Variants in ATG7 observed in about 807,000 individuals in gnomAD.
ATG7 encodes the protein ubiquitin-like modifier-activating enzyme ATG7.
ATG7 carries 70 observed loss-of-function variants against 82.4 expected under a neutral mutation model. The observed-to-expected ratio is 0.85, with a 90% confidence interval of 0.70 to 1.04. ATG7 has a LOEUF of 1.04. Among genes scored for constraint, ATG7 ranks in the 50% least tolerant of loss-of-function variants. ATG7 has a pLI of 0.00. For missense variants in ATG7, 792 were observed against 864.3 expected (o/e 0.92, Z 1.05); for synonymous variants, 287 against 313.0 (o/e 0.92, Z 0.88).
At chr3:11,488,935 A>C (rs1390449912) in intron 20 of ATG7, among the ~76,000 whole-genome samples, 1 of 152,078 alleles carries the variant, frequency 6.6e-6, no homozygotes, top group Non-Finnish European at 1.5e-5. Context: ...ATTAGGGAGG[A>C]TTCCCTCTTT....
At chr3:11,489,394 T>C (rs9682820) in intron 20 of ATG7, among the ~76,000 whole-genome samples, 126,826 of 151,578 alleles carry the variant, frequency 0.84, 53,239 homozygotes, top group East Asian at 1. Flanking sequence ...GTCTTGCTAG[T>C]GGTCTATCAA....
intron 20 of ATG7, among the ~76,000 whole-genome samples, chr3:11,548,571 G>A (rs2071486345): frequency 6.6e-6 from 1 of 152,150 alleles, no homozygotes; most frequent in East Asian, 1.9e-4. Context: ...TATCGTTCCT[G>A]TGTTTATATT....
chr3:11,422,740 CTTTTTTTTTTT>C lies in ATG7; in HGVS notation c.1957-4045_1957-4035del, dbSNP rs557755646. 5.2e-4 allele frequency among the ~76,000 whole-genome samples: 26 copies of C among 49,554 alleles called. 1 individual carries two copies. The highest frequency in any genetic ancestry group is 3.4e-3 in the South Asian group (3 of 876). The allele number at this position is 49,554 out of a possible 152,430, so 32.5% of individuals were successfully genotyped here. ...CCTCACTATGCTTAATCATTTCTAG[CTTTTTTTTTTT>C]TTTTTTTTTTTTTTTTTTGGAGACA... is the stretch of plus-strand genomic sequence containing the variant. On this transcript the variant is annotated intron_variant, in intron 19 of 20. Transcript: ENST00000693202.
At chr3:11,457,879 T>C (rs548712910) in intron 20 of ATG7, among the ~76,000 whole-genome samples, 2 of 152,310 alleles carry the variant, frequency 1.3e-5, no homozygotes, top group African/African-American at 4.8e-5. Flanking sequence ...GACTGTGTCT[T>C]AGATAATATA....
chr3:11,511,603 T>A (rs948945963), intron 20 of ATG7, among the ~76,000 whole-genome samples: 1 of 152,178 alleles, frequency 6.6e-6, no homozygotes, highest in Non-Finnish European at 1.5e-5. Flanking sequence ...CTCACACTCC[T>A]CAGCCCTTGG....
At chr3:11,572,191 G>A in the ATG7 span, among the ~76,000 whole-genome samples, 1 of 152,186 alleles carries the variant, frequency 6.6e-6, no homozygotes, top group African/African-American at 2.4e-5. Context: ...TGAAGGACAT[G>A]CCCAATCATA....
intron 20 of ATG7, among the ~76,000 whole-genome samples, chr3:11,492,965 C>A (rs1355616960): frequency 6.6e-6 from 1 of 152,252 alleles, no homozygotes; most frequent in Non-Finnish European, 1.5e-5. Context: ...GTGTTATCAG[C>A]TTAGTGGGCC....
In ATG7 at chr3:11,556,950, G is replaced by C. The variant is rs1003350761; in HGVS notation, c.*2107G>C. 1.3e-5 allele frequency: 2 copies of C among 152,646 alleles called. No homozygotes were observed. Among genetic ancestry groups the C allele is most frequent in the African/African-American group, 4.8e-5 (2 of 41,428 alleles). 9.5% of individuals were successfully genotyped at this position (152,646 alleles called of 1,614,324 possible). Reference sequence around the variant, plus strand: ...CTGTGACTACAAGAGCCAGTCCTCCGACCTTTTCACCCAGTGCCAATTTCC... The same window carrying C: ...CTGTGACTACAAGAGCCAGTCCTCCCACCTTTTCACCCAGTGCCAATTTCC... On this transcript the variant is annotated 3_prime_UTR_variant, in exon 21 of 21. Transcript: ENST00000693202.
intron 20 of ATG7, among the ~76,000 whole-genome samples, chr3:11,518,071 G>A (rs1288340873): frequency 6.6e-6 from 1 of 152,218 alleles, no homozygotes; most frequent in Non-Finnish European, 1.5e-5. Flanking sequence ...TGGATGGTGA[G>A]TGGGAGAGAG....
At chr3:11,502,795 T>A (rs2091437908) in intron 20 of ATG7, among the ~76,000 whole-genome samples, 1 of 152,150 alleles carries the variant, frequency 6.6e-6, no homozygotes, top group Non-Finnish European at 1.5e-5. Flanking sequence ...AGTATGGGGC[T>A]TAAATAGGAG....
intron 20 of ATG7, among the ~76,000 whole-genome samples, chr3:11,511,173 A>G (rs2092032376): frequency 6.6e-6 from 1 of 152,096 alleles, no homozygotes; most frequent in South Asian, 2.1e-4. Flanking sequence ...GTGGAAGGGG[A>G]CCTGAGCGGG....
intron 20 of ATG7, among the ~76,000 whole-genome samples, chr3:11,521,795 G>T (rs1221553787): frequency 1.3e-5 from 2 of 151,792 alleles, no homozygotes; most frequent in Non-Finnish European, 2.9e-5. Flanking sequence ...CTTGTGATCC[G>T]CCTGCCTCAG....
At chr3:11,338,307 C>T (rs1009283556) in intron 11 of ATG7, among the ~76,000 whole-genome samples, 1 of 152,134 alleles carries the variant, frequency 6.6e-6, no homozygotes, top group Non-Finnish European at 1.5e-5. Flanking sequence ...TTTATGGCTG[C>T]ATAGTATTTC....
Position 11,377,066 on chromosome 3 carries a change from G to A in ATG7, c.1876-2906G>A, listed in dbSNP as rs566556976. Among the ~76,000 whole-genome samples the A allele has an allele frequency of 9.4e-4, 143 of 152,254 alleles. 1 individual carries two copies. The highest frequency in any genetic ancestry group is 3.4e-3 in the African/African-American group (140 of 41,548). Reference sequence around the variant, plus strand: ...GTCTGCCGCCTTTTGTCAGCTATAGGGAGTGGGTAAAAAATGACAGGCCTC... The same window carrying A: ...GTCTGCCGCCTTTTGTCAGCTATAGAGAGTGGGTAAAAAATGACAGGCCTC... On this transcript the variant is annotated intron_variant, in intron 18 of 20. Transcript: ENST00000693202.
At chr3:11,529,942 G>C (rs2092662383) in intron 20 of ATG7, among the ~76,000 whole-genome samples, 1 of 152,088 alleles carries the variant, frequency 6.6e-6, no homozygotes, top group Non-Finnish European at 1.5e-5. Context: ...CCATCCTCTT[G>C]CCCAGGAGAC....
chr3:11,574,004 A>C, the ATG7 span, among the ~76,000 whole-genome samples: 1 of 152,214 alleles, frequency 6.6e-6, no homozygotes, highest in Admixed American at 6.5e-5. Flanking sequence ...GTCATCAACA[A>C]GCCATGGAAT....
intron 20 of ATG7, among the ~76,000 whole-genome samples, chr3:11,547,030 A>G (rs2071353619): frequency 6.6e-6 from 1 of 152,174 alleles, no homozygotes; most frequent in Non-Finnish European, 1.5e-5. Flanking sequence ...AGGTTTATTC[A>G]TGGTGCTGGT....
intron 20 of ATG7, among the ~76,000 whole-genome samples, chr3:11,429,420 C>G (rs925250340): frequency 2.6e-5 from 4 of 151,954 alleles, no homozygotes; most frequent in African/African-American, 9.7e-5. Flanking sequence ...GACTTGAACC[C>G]GGGAAGCAAA....
the ATG7 span, among the ~76,000 whole-genome samples, chr3:11,570,294 G>A: frequency 0.25 from 37,288 of 151,644 alleles, 4,608 homozygotes; most frequent in East Asian, 0.4. Flanking sequence ...AGGCCTTTCC[G>A]ACCCACCAGC....
Sources: gnomAD v4.1 joint callset for allele counts (sites outside exome capture counted in the v4.1 genomes callset) on GRCh38, gnomAD v4.1.1 for gene constraint, MANE v1.5 for transcripts, NCBI Gene and HGNC (gene_info 2026-07-23, HGNC 2026-07-21) for gene names.